Variants in C9 observed in about 807,000 individuals in gnomAD.
C9 encodes complement component C9.
In C9, 63 loss-of-function variants were observed where a neutral mutation model predicts 65.4. The ratio of observed to expected loss-of-function variants is 0.96; its 90% CI spans 0.79 to 1.19. C9 has a LOEUF of 1.19. Ranked by LOEUF, C9 falls within the 50% of genes most tolerant of loss-of-function variation. C9 has a pLI of 0.00. For synonymous variants in C9, 229 were observed against 227.9 expected (o/e 1.00, Z -0.04); for missense variants, 744 against 670.1 (o/e 1.11, Z -1.22).
intron 4 of C9, among the ~76,000 whole-genome samples, chr5:39,333,080 G>A (rs1753874469): frequency 6.6e-6 from 1 of 152,138 alleles, no homozygotes; most frequent in South Asian, 2.1e-4. Context: ...TGGCCTTAAA[G>A]TTCTAATATA....
At chr5:39,326,547 G>A (rs1316754794) in intron 5 of C9, among the ~76,000 whole-genome samples, 2 of 152,096 alleles carry the variant, frequency 1.3e-5, no homozygotes, top group Non-Finnish European at 2.9e-5. Flanking sequence ...CTCCGGAGTG[G>A]CTCCCTCATT....
intron 1 of C9, among the ~76,000 whole-genome samples, chr5:39,349,517 C>G (rs1754283418): frequency 6.6e-6 from 1 of 152,216 alleles, no homozygotes; most frequent in Non-Finnish European, 1.5e-5. Context: ...AGTCTTATCT[C>G]CTTCAAACTC....
chr5:39,332,995 C>G (rs541485073), intron 4 of C9, among the ~76,000 whole-genome samples: 2 of 152,266 alleles, frequency 1.3e-5, no homozygotes, highest in East Asian at 1.9e-4. Flanking sequence ...ATATCTTCCT[C>G]AAGGCTGACA....
chr5:39,352,949 G>A (rs1032768032), intron 1 of C9, among the ~76,000 whole-genome samples: 1 of 152,102 alleles, frequency 6.6e-6, no homozygotes, highest in African/African-American at 2.4e-5. Context: ...AGCAAAGGGG[G>A]CTTTGGAAAT....
At chr5:39,319,366 C>T (rs1298680349) in intron 5 of C9, among the ~76,000 whole-genome samples, 1 of 152,184 alleles carries the variant, frequency 6.6e-6, no homozygotes, top group East Asian at 1.9e-4. Context: ...CCAGGCCAGC[C>T]TCCATGGCCT....
At chr5:39,330,525 G>A (rs16868651) in intron 5 of C9, among the ~76,000 whole-genome samples, 4,556 of 152,236 alleles carry the variant, frequency 0.03, 211 homozygotes, top group African/African-American at 0.1. Flanking sequence ...CACAACAATA[G>A]CCCTTCTCCC....
At position 39,334,593 on chromosome 5, in the gene C9, G is replaced by A. The variant is rs180927116; in HGVS notation, c.477-2779C>T. On this transcript the variant is annotated intron_variant, in intron 4 of 10. Transcript: ENST00000263408. ...GGGGGGTCAGCCCCCCGCCCGGCCA[G>A]CTGCCCCGTCTGGGAGGTGAGGGGC... Among the ~76,000 whole-genome samples, 871 of 150,002 alleles carry A rather than the reference G, an allele frequency of 5.8e-3. 5 individuals carry two copies. Among genetic ancestry groups the A allele is most frequent in the Non-Finnish European group, 9.2e-3 (622 of 67,832 alleles).
At chr5:39,355,774 G>A (rs943053844) in intron 1 of C9, among the ~76,000 whole-genome samples, 3 of 152,112 alleles carry the variant, frequency 2.0e-5, no homozygotes, top group Non-Finnish European at 4.4e-5. Context: ...TCAAGATATG[G>A]TTGTGTTGAC....
intron 1 of C9, among the ~76,000 whole-genome samples, chr5:39,358,537 T>G (rs1465599518): frequency 6.6e-6 from 1 of 152,028 alleles, no homozygotes; most frequent in African/African-American, 2.4e-5. Context: ...TAACACAAGT[T>G]TGTGTTTTCC....
rs567345600 is a variant in C9 at position 39,355,193 on chromosome 5, G to T, written c.77+9195C>A. 2.0e-5 allele frequency among the ~76,000 whole-genome samples: 3 copies of T among 152,260 alleles called. No individual in the cohort carries two copies. In the South Asian group the frequency reaches 6.2e-4, roughly 32 times the overall value. The stretch of plus-strand genomic sequence containing the variant: ...AGCCTCAGTGAATGCTGGTTCAGAG[G>T]ATACTGTACAGACTGGAGAATCATG... On this transcript the variant is annotated intron_variant, in intron 1 of 10. Transcript: ENST00000263408.
chr5:39,323,302 C>A (rs1753694719), intron 5 of C9, among the ~76,000 whole-genome samples: 1 of 151,758 alleles, frequency 6.6e-6, no homozygotes, highest in African/African-American at 2.4e-5. Flanking sequence ...GGGAATATTT[C>A]CAAATTCATT....
At chr5:39,340,588 A>G (rs548686823) in intron 4 of C9, among the ~76,000 whole-genome samples, 2 of 152,336 alleles carry the variant, frequency 1.3e-5, no homozygotes, top group South Asian at 2.1e-4. Context: ...TAGGTTTTGT[A>G]TGGAAAATGA....
intron 9 of C9, among the ~76,000 whole-genome samples, chr5:39,292,609 C>G (rs1381077124): frequency 6.6e-6 from 1 of 151,574 alleles, no homozygotes. Context: ...TTTAATTGCT[C>G]TAACATATAT....
At chr5:39,304,917 T>C (rs1382842869) in intron 9 of C9, among the ~76,000 whole-genome samples, 4 of 152,276 alleles carry the variant, frequency 2.6e-5, no homozygotes, top group Middle Eastern at 3.4e-3. Flanking sequence ...GCAGCTGCCT[T>C]ATTTACTTGA....
intron 5 of C9, among the ~76,000 whole-genome samples, chr5:39,327,206 T>C (rs1373079469): frequency 6.6e-6 from 1 of 152,112 alleles, no homozygotes. Flanking sequence ...GCCAAGGAGA[T>C]TGACTACTAC....
intron 1 of C9, among the ~76,000 whole-genome samples, chr5:39,347,108 G>C (rs1323276329): frequency 3.3e-5 from 5 of 152,144 alleles, no homozygotes; most frequent in Non-Finnish European, 7.3e-5. Context: ...TTGAAAACTG[G>C]CAAAAGACAG....
rs1256862330 is a variant in C9 at position 39,341,221 on chromosome 5, C to A, written c.401G>T (p.Cys134Phe). ...DCGDFSDEDD[C>F]ESEPRPPCRD... ...GCAGGGGGGACGGGGCTCACTTTCA[C>A]AATCATCCTCATCTGAAAAGTCTCC... is the stretch of plus-strand genomic sequence containing the variant. The change falls in exon 4 of 11, where the codon TGT becomes TTT. Residue 134 changes from cysteine (C) to phenylalanine (F), a missense_variant. Physicochemically the swap from Cys to Phe is radical, Grantham distance 205. Transcript: ENST00000263408. 1.2e-6 allele frequency: 2 copies of A among 1,614,082 alleles called. No homozygotes were observed. The highest frequency in any genetic ancestry group is 2.2e-5 in the East Asian group (1 of 44,886).
intron 1 of C9, among the ~76,000 whole-genome samples, chr5:39,343,564 G>GTCCT: frequency 6.6e-6 from 1 of 152,216 alleles, no homozygotes; most frequent in Admixed American, 6.5e-5. Flanking sequence ...AGCTCAAGGA[G>GTCCT]GCCTGCCTGC....
rs1453130598 is a variant in C9, at chr5:39,330,674, GA to G, written c.615+1001del. Among the ~76,000 whole-genome samples, 36 of 152,058 alleles carry G rather than the reference GA, an allele frequency of 2.4e-4. 1 individual carries two copies. The highest frequency in any genetic ancestry group is 2.2e-3 in the Admixed American group (34 of 15,264). On this transcript the variant is annotated intron_variant, in intron 5 of 10. Coordinates refer to ENST00000263408, the MANE Select transcript of C9 (RefSeq NM_001737.5). ...AGAAGTTTAACCTGGCATTATTGGG[GA>G]AAACCAACAGCCCAAAAGATTTCCT...
Sources: gnomAD v4.1 joint callset for allele counts (sites outside exome capture counted in the v4.1 genomes callset) on GRCh38, gnomAD v4.1.1 for gene constraint, MANE v1.5 for transcripts, NCBI Gene and HGNC (gene_info 2026-07-23, HGNC 2026-07-21) for gene names.